The following AR variants were observed in gnomAD, a reference collection of about 807,000 sequenced individuals.
AR encodes androgen receptor.
Under a neutral mutation model 53.9 loss-of-function variants are expected in AR, and 8 were observed. The ratio of observed to expected loss-of-function variants is 0.15; its 90% CI spans 0.09 to 0.27. The LOEUF is 0.27. Ranked by LOEUF, AR falls within the 10% of genes least tolerant of loss-of-function variation. The probability of loss-of-function intolerance (pLI) is 1.00; values close to 1 mark genes in which losing one functional copy is unlikely to be tolerated. For synonymous variants in AR, 359 were observed against 316.4 expected, an observed-to-expected ratio of 1.13 and a Z score of -1.43; for missense variants, 639 against 742.5, an observed-to-expected ratio of 0.86 and a Z score of 1.62.
chrX:67,560,681 C>T (rs749116917), intron 1 of AR, among the ~76,000 whole-genome samples: 8 of 111,822 alleles, frequency 7.2e-5, no homozygotes, highest in African/African-American at 2.6e-4. Flanking sequence ...CCTTACAAAA[C>T]TCTTAAAACC....
At chrX:67,643,218 A>G in intron 1 of AR, 38 bp from the exon 2 acceptor site, 3 of 1,209,260 alleles carry the variant, frequency 2.5e-6, no homozygotes, top group Non-Finnish European at 3.4e-6. Flanking sequence ...TCTGCCATTC[A>G]GTGACATGTG....
chrX:67,584,912 A>C (rs898826156), intron 1 of AR, among the ~76,000 whole-genome samples: 1 of 111,446 alleles, frequency 9.0e-6, no homozygotes, highest in African/African-American at 3.3e-5. Context: ...CAGTAGCCTC[A>C]CTAGGATCAC....
chrX:67,655,927 A>T (rs1195504698), intron 2 of AR, among the ~76,000 whole-genome samples: 1 of 112,362 alleles, frequency 8.9e-6, no homozygotes, highest in African/African-American at 3.2e-5. Context: ...AGAAATGCTA[A>T]TGTGGATTAA....
chrX:67,650,381 A>C (rs1295923486), intron 2 of AR, among the ~76,000 whole-genome samples: 6 of 112,086 alleles, frequency 5.4e-5, no homozygotes, highest in Non-Finnish European at 1.1e-4. Context: ...AAGCTTCTTC[A>C]GTCCTTTCAG....
chrX:67,645,958 G>A (rs955759040), intron 2 of AR, among the ~76,000 whole-genome samples: 5 of 111,647 alleles, frequency 4.5e-5, no homozygotes, highest in Non-Finnish European at 9.4e-5. Flanking sequence ...TTCTGGAGGT[G>A]GTTTTCAGTC....
Position 67,555,145 on chromosome X carries a change from A to G in AR, c.1616+8383A>G, listed in dbSNP as rs192680235. On this transcript the variant is annotated intron_variant, in intron 1 of 7. Coordinates refer to ENST00000374690, the MANE Select transcript of AR (RefSeq NM_000044.6). ...AGTATCATCATGCCATGATGCCTGT[A>G]TGAGATCCTGGATTGTACGGTATGG... 9.0e-5 allele frequency among the ~76,000 whole-genome samples: 10 copies of G among 110,768 alleles called. No individual in the cohort carries two copies. In the East Asian group the frequency reaches 2.8e-3, roughly 31 times the overall value.
intron 1 of AR, among the ~76,000 whole-genome samples, chrX:67,557,110 C>T (rs767918840): frequency 4.6e-5 from 5 of 109,059 alleles, no homozygotes; most frequent in South Asian, 4.1e-4. Flanking sequence ...TGTTTGTTTA[C>T]TTACTGTATG....
In AR at chrX:67,711,577, T is replaced by C. The variant is rs1442455271; in HGVS notation, c.2061T>C (p.Cys687=). The change falls in exon 4 of 8, where the codon TGT becomes TGC. Residue 687 remains cysteine, a synonymous_variant. Transcript: ENST00000374690. ...VLEAIEPGVV[C]AGHDNNQPDS... ...AAGCCATTGAGCCAGGTGTAGTGTG[T>C]GCTGGACACGACAACAACCAGCCCG... 1.7e-6 allele frequency: 2 copies of C among 1,209,958 alleles called. No homozygotes were observed. Among genetic ancestry groups the C allele is most frequent in the Non-Finnish European group, 2.2e-6 (2 of 895,253 alleles).
At chrX:67,588,239 A>AGGG (rs1191275808) in intron 1 of AR, among the ~76,000 whole-genome samples, 1 of 112,184 alleles carries the variant, frequency 8.9e-6, no homozygotes, top group Non-Finnish European at 1.9e-5. Context: ...AAGGGTGAGT[A>AGGG]GACCAGGCTC....
rs2076155202 is a variant in AR, at chrX:67,725,784, A to G, written c.*1943A>G. 5.7e-6 allele frequency: 1 copy of G among 175,561 alleles called. No individual in the cohort carries two copies. 14.5% of individuals were successfully genotyped at this position (175,561 alleles called of 1,213,427 possible). On this transcript the variant is annotated 3_prime_UTR_variant, in exon 8 of 8. Coordinates refer to ENST00000374690, the MANE Select transcript of AR (RefSeq NM_000044.6). Reference sequence around the variant, plus strand: ...TCTACAGAACCATGGCTTCTTTCGGAAAGGTCTGGTTGGTGTGGCTCCAAT... The same window carrying G: ...TCTACAGAACCATGGCTTCTTTCGGGAAGGTCTGGTTGGTGTGGCTCCAAT...
rs749498272 is a variant in AR at position 67,664,259 on chromosome X, C to T, written c.1768+20852C>T. The stretch of plus-strand genomic sequence containing the variant: ...TCCCCATCTTTGTGGTTTTATCTCC[C>T]TTTGGTCTTTGAAGATGGTGATGTA... On this transcript the variant is annotated intron_variant, in intron 2 of 7. Transcript: ENST00000374690. Among the ~76,000 whole-genome samples, 3 of 111,368 alleles carry T rather than the reference C, an allele frequency of 2.7e-5. No homozygotes were observed. The Admixed American group carries it at 2.9e-4, about 11-fold the overall frequency.
chrX:67,585,000 A>AT (rs1922470317), intron 1 of AR, among the ~76,000 whole-genome samples: 1 of 111,839 alleles, frequency 8.9e-6, no homozygotes, highest in Non-Finnish European at 1.9e-5. Context: ...TCACGACTGT[A>AT]ATCCCAGCAC....
chrX:67,698,600 G>C (rs1225159161), intron 3 of AR, among the ~76,000 whole-genome samples: 1 of 112,743 alleles, frequency 8.9e-6, no homozygotes, highest in Non-Finnish European at 1.9e-5. Context: ...GTATAGCCTA[G>C]TCTAGCTTCA....
At chrX:67,672,816 G>A (rs2075874220) in intron 2 of AR, among the ~76,000 whole-genome samples, 1 of 111,036 alleles carries the variant, frequency 9.0e-6, no homozygotes, top group South Asian at 3.8e-4. Context: ...ACAATATTCT[G>A]TGTTTTTCTG....
chrX:67,710,060 G>C (rs1375467652), intron 3 of AR, among the ~76,000 whole-genome samples: 1 of 110,854 alleles, frequency 9.0e-6, no homozygotes. Flanking sequence ...GTGTTTTTGT[G>C]TGTGCATGTG....
At position 67,726,476 on chromosome X, in the gene AR, T is replaced by TATC. The variant is rs1177171894; in HGVS notation, c.*2637_*2639dup. ...CTAGAAGCTCTCCTTTACATTTCTC[T>TATC]ATCAAATTTTTCATCTTTATGGGTT... On this transcript the variant is annotated 3_prime_UTR_variant, in exon 8 of 8. Coordinates refer to ENST00000374690, the MANE Select transcript of AR (RefSeq NM_000044.6). The TATC allele has an allele frequency of 1.1e-5, 2 of 174,312 alleles. No individual in the cohort carries two copies. The highest frequency in any genetic ancestry group is 2.2e-5 in the Non-Finnish European group (2 of 91,365). The allele number at this position is 174,312 out of a possible 1,213,427, so 14.4% of individuals were successfully genotyped here. A position where few individuals can be genotyped will look rare whatever the true frequency, so the allele number is the denominator to read the frequency against.
chrX:67,572,647 A>C (rs184714303), intron 1 of AR, among the ~76,000 whole-genome samples: 1 of 111,419 alleles, frequency 9.0e-6, no homozygotes, highest in Non-Finnish European at 1.9e-5. Context: ...TTTTCTATGA[A>C]CTATCAATTC....
At chrX:67,653,615 G>A (rs890007598) in intron 2 of AR, among the ~76,000 whole-genome samples, 1 of 111,630 alleles carries the variant, frequency 9.0e-6, no homozygotes, top group Admixed American at 9.5e-5. Flanking sequence ...CTCATCAGAT[G>A]CAGCAAGCTG....
At chrX:67,590,801 A>G (rs746125305) in intron 1 of AR, among the ~76,000 whole-genome samples, 1 of 112,279 alleles carries the variant, frequency 8.9e-6, no homozygotes, top group African/African-American at 3.2e-5. Flanking sequence ...TCTGGAATTC[A>G]TCAGTTTTGA....
Sources: gnomAD v4.1 joint callset for allele counts (sites outside exome capture counted in the v4.1 genomes callset) on GRCh38, gnomAD v4.1.1 for gene constraint, MANE v1.5 for transcripts, NCBI Gene and HGNC (gene_info 2026-07-23, HGNC 2026-07-21) for gene names.